The following SNX29 variants were observed in gnomAD, a reference collection of about 807,000 sequenced individuals.
SNX29 encodes sorting nexin-29.
SNX29 carries 78 observed loss-of-function variants against 102.1 expected under a neutral mutation model. The ratio of observed to expected loss-of-function variants is 0.76; its 90% CI spans 0.64 to 0.92. The LOEUF (loss-of-function observed/expected upper bound fraction) is 0.92. Among genes scored for constraint, SNX29 ranks in the 40% least tolerant of loss-of-function variants. The pLI is 0.00. For missense variants in SNX29, 1,280 were observed against 1,061.7 expected, an observed-to-expected ratio of 1.21 and a Z score of -2.86; for synonymous variants, 580 against 414.5, an observed-to-expected ratio of 1.40 and a Z score of -4.85.
At chr16:12,310,108 A>ACG (rs2080485216) in intron 15 of SNX29, among the ~76,000 whole-genome samples, 6 of 136,788 alleles carry the variant, frequency 4.4e-5, no homozygotes, top group Non-Finnish European at 9.5e-5. Context: ...ACATGCACAC[A>ACG]TACACGTGCA....
chr16:12,057,976 C>G (rs907739741), intron 8 of SNX29, among the ~76,000 whole-genome samples: 9 of 151,844 alleles, frequency 5.9e-5, no homozygotes, highest in African/African-American at 2.2e-4. Context: ...CACCACCACT[C>G]CCGGTTAATT....
chr16:12,470,446 C>T (rs373431258), intron 18 of SNX29, among the ~76,000 whole-genome samples: 1 of 152,214 alleles, frequency 6.6e-6, no homozygotes, highest in Non-Finnish European at 1.5e-5. Context: ...AAATAGCACT[C>T]TTGCCCGGGA....
intron 17 of SNX29, among the ~76,000 whole-genome samples, chr16:12,400,476 T>G (rs2083896811): frequency 6.6e-6 from 1 of 152,226 alleles, no homozygotes; most frequent in Non-Finnish European, 1.5e-5. Context: ...AGTGCTGGTC[T>G]AGACTCAGTG....
intron 18 of SNX29, among the ~76,000 whole-genome samples, chr16:12,426,572 G>A (rs1423227145): frequency 1.3e-5 from 2 of 152,200 alleles, no homozygotes; most frequent in East Asian, 3.8e-4. Flanking sequence ...ATAGATATGT[G>A]TTACGTAGCC....
At chr16:12,388,868 A>G (rs536693313) in intron 16 of SNX29, among the ~76,000 whole-genome samples, 7 of 152,306 alleles carry the variant, frequency 4.6e-5, no homozygotes, top group Admixed American at 2.6e-4. Context: ...TATTTGCAAG[A>G]GGACATTTAA....
intron 18 of SNX29, among the ~76,000 whole-genome samples, chr16:12,452,741 T>C (rs539461766): frequency 1.3e-5 from 2 of 151,896 alleles, no homozygotes; most frequent in African/African-American, 4.8e-5. Flanking sequence ...GGCCCATGGG[T>C]GTGAGGAGAG....
At chr16:12,331,132 C>T (rs942949184) in intron 15 of SNX29, among the ~76,000 whole-genome samples, 5 of 152,204 alleles carry the variant, frequency 3.3e-5, no homozygotes, top group Non-Finnish European at 7.3e-5. Context: ...CTGGTATGAG[C>T]TTGGCAGGCC....
chr16:12,071,332 G>C (rs1411602842), intron 10 of SNX29, among the ~76,000 whole-genome samples: 4 of 152,080 alleles, frequency 2.6e-5, no homozygotes, highest in Non-Finnish European at 5.9e-5. Context: ...AATCCATCTT[G>C]AATTAATTTT....
chr16:12,308,275 G>C (rs111900024), intron 15 of SNX29, among the ~76,000 whole-genome samples: 1 of 152,212 alleles, frequency 6.6e-6, no homozygotes, highest in Non-Finnish European at 1.5e-5. Flanking sequence ...ACCTGCTCAT[G>C]GTGGCTTCTG....
chr16:12,572,961 A>T lies in SNX29; in HGVS notation c.*4332A>T. 1.6e-6 allele frequency: 1 copy of T among 612,172 alleles called. No individual in the cohort carries two copies. Among genetic ancestry groups the T allele is most frequent in the Non-Finnish European group, 2.1e-6 (1 of 465,956 alleles). 37.9% of individuals were successfully genotyped at this position (612,172 alleles called of 1,614,324 possible). A position where few individuals can be genotyped will look rare whatever the true frequency, so the allele number is the denominator to read the frequency against. On this transcript the variant is annotated 3_prime_UTR_variant, in exon 21 of 21. Transcript: ENST00000566228. Reference sequence around the variant, plus strand: ...GGCATCTGCTTATGAGCAAGGTCAAAGATTTTTCAAAATATTGTGCATTAA... The same window carrying T: ...GGCATCTGCTTATGAGCAAGGTCAATGATTTTTCAAAATATTGTGCATTAA...
Position 12,467,607 on chromosome 16 carries a change from C to T in SNX29, c.2038-10112C>T, listed in dbSNP as rs563565878. 9.7e-5 allele frequency among the ~76,000 whole-genome samples: 14 copies of T among 143,728 alleles called. No homozygotes were observed. In the South Asian group the frequency reaches 1.3e-3, roughly 13 times the overall value. The allele number at this position is 143,728 out of a possible 152,430, so 94.3% of individuals were successfully genotyped here. A position where few individuals can be genotyped will look rare whatever the true frequency, so the allele number is the denominator to read the frequency against. On this transcript the variant is annotated intron_variant, in intron 18 of 20. Coordinates refer to ENST00000566228, the MANE Select transcript of SNX29 (RefSeq NM_032167.5). ...TGACCTGTTCGTTCATTCGTTTGTT[C>T]GTTTGTTCGTTCGTTAGTTCGTTCG...
At chr16:12,472,127 G>A (rs181500227) in intron 18 of SNX29, among the ~76,000 whole-genome samples, 10 of 152,300 alleles carry the variant, frequency 6.6e-5, no homozygotes, top group Admixed American at 5.2e-4. Context: ...GCAACATGAG[G>A]GCCATACACA....
At chr16:12,045,486 A>G (rs1209125427) in intron 5 of SNX29, among the ~76,000 whole-genome samples, 3 of 152,098 alleles carry the variant, frequency 2.0e-5, no homozygotes, top group Non-Finnish European at 4.4e-5. Flanking sequence ...GACCTTGGAC[A>G]GGCCCTGTAG....
At chr16:12,258,036 G>T (rs1391300525) in intron 14 of SNX29, among the ~76,000 whole-genome samples, 2 of 152,174 alleles carry the variant, frequency 1.3e-5, no homozygotes, top group African/African-American at 4.8e-5. Context: ...GGATGCTATT[G>T]TAGCTCTGAG....
intron 13 of SNX29, among the ~76,000 whole-genome samples, chr16:12,194,911 G>A (rs956901118): frequency 2.0e-5 from 3 of 152,156 alleles, no homozygotes; most frequent in African/African-American, 7.2e-5. Flanking sequence ...ACAGGCATGA[G>A]CCACTGCATC....
In SNX29 at chr16:12,560,230, CAGA is replaced by C. The variant is rs1254772553; in HGVS notation, c.2319-8271_2319-8269del. Among the ~76,000 whole-genome samples the C allele has an allele frequency of 4.0e-5, 6 of 150,160 alleles. No homozygotes were observed. In the East Asian group the frequency reaches 5.8e-4, roughly 15 times the overall value. ...AGAGCAACTACACAGCCAGAGCTTG[CAGA>C]AGAAAAGCCTGAAGCTTAAAAATAT... On this transcript the variant is annotated intron_variant, in intron 20 of 20. Coordinates refer to ENST00000566228, the MANE Select transcript of SNX29 (RefSeq NM_032167.5).
At chr16:12,235,217 G>A (rs887745312) in intron 14 of SNX29, among the ~76,000 whole-genome samples, 7 of 152,108 alleles carry the variant, frequency 4.6e-5, no homozygotes, top group African/African-American at 1.7e-4. Flanking sequence ...CTCTGTCCCT[G>A]GTGTTCAGTA....
chr16:12,455,667 G>A (rs991980053), intron 18 of SNX29, among the ~76,000 whole-genome samples: 3 of 152,180 alleles, frequency 2.0e-5, no homozygotes, highest in Non-Finnish European at 4.4e-5. Context: ...GTCTTTATTT[G>A]TGCAGAAGGC....
chr16:12,524,655 C>T (rs1470573247), intron 19 of SNX29, 47 bp from the exon 20 acceptor site: 5 of 1,594,514 alleles, frequency 3.1e-6, no homozygotes, highest in African/African-American at 1.4e-5. Flanking sequence ...CATTTCTGAC[C>T]AGGTGAGGAA....
Sources: gnomAD v4.1 joint callset for allele counts (sites outside exome capture counted in the v4.1 genomes callset) on GRCh38, gnomAD v4.1.1 for gene constraint, MANE v1.5 for transcripts, NCBI Gene and HGNC (gene_info 2026-07-23, HGNC 2026-07-21) for gene names.